CLSTN2: variants seen among roughly 807,000 people sequenced by gnomAD.
CLSTN2 encodes calsyntenin-2.
A neutral mutation model predicts 101.2 loss-of-function variants in CLSTN2; 48 were observed. The ratio of observed to expected loss-of-function variants is 0.47; its 90% CI spans 0.38 to 0.60. The LOEUF is 0.60. Among genes scored for constraint, CLSTN2 ranks in the 20% least tolerant of loss-of-function variants. The pLI, the probability that CLSTN2 is intolerant of heterozygous loss-of-function variation, is 0.00. For missense variants in CLSTN2, 1,160 were observed against 1,238.2 expected (o/e 0.94, Z 0.95); for synonymous variants, 481 against 463.6 (o/e 1.04, Z -0.48).
At chr3:140,304,137 G>A (rs150902193) in intron 2 of CLSTN2, among the ~76,000 whole-genome samples, 18 of 152,200 alleles carry the variant, frequency 1.2e-4, no homozygotes, top group African/African-American at 4.3e-4. Context: ...ATAGCTTCTG[G>A]CTATAACTAC....
intron 2 of CLSTN2, among the ~76,000 whole-genome samples, chr3:140,382,239 G>A (rs2087993509): frequency 1.3e-5 from 2 of 152,020 alleles, no homozygotes; most frequent in South Asian, 4.2e-4. Context: ...TTTGATACTT[G>A]CCTTTTCTAT....
At chr3:140,192,850 G>A (rs565923316) in intron 2 of CLSTN2, among the ~76,000 whole-genome samples, 6 of 151,870 alleles carry the variant, frequency 4.0e-5, no homozygotes, top group Non-Finnish European at 7.4e-5. Flanking sequence ...ATTTTTTGGC[G>A]GGGTAGGGGG....
chr3:140,543,102 A>G (rs1935517642), intron 9 of CLSTN2, among the ~76,000 whole-genome samples: 1 of 152,222 alleles, frequency 6.6e-6, no homozygotes, highest in African/African-American at 2.4e-5. Flanking sequence ...CCCTGAGGAT[A>G]TCACATGGTG....
At chr3:140,018,335 A>T (rs144801851) in intron 1 of CLSTN2, among the ~76,000 whole-genome samples, 135 of 152,214 alleles carry the variant, frequency 8.9e-4, no homozygotes, top group African/African-American at 3.2e-3. Context: ...TTTTGCCATA[A>T]CTCCAGCAGC....
At position 140,251,584 on chromosome 3, in the gene CLSTN2, GTTCCTTTCCT is replaced by G. The variant is rs60379986; in HGVS notation, c.232+75557_232+75566del. 3.1e-3 allele frequency among the ~76,000 whole-genome samples: 369 copies of G among 117,540 alleles called. 3 individuals are homozygous for G. The highest frequency in any genetic ancestry group is 9.2e-3 in the African/African-American group (262 of 28,448). 77.1% of individuals were successfully genotyped at this position (117,540 alleles called of 152,430 possible). On this transcript the variant is annotated intron_variant, in intron 2 of 16. Coordinates refer to ENST00000458420, the MANE Select transcript of CLSTN2 (RefSeq NM_022131.3). Reference sequence around the variant, plus strand: ...TCAATAACGGCAACTCTTAGCTTCCGTTCCTTTCCTTTCCTTTCCTTTCCTTTCCTTTCCT... The same window carrying G: ...TCAATAACGGCAACTCTTAGCTTCCGTTCCTTTCCTTTCCTTTCCTTTCCT...
chr3:140,186,721 T>G (rs996222842), intron 2 of CLSTN2, among the ~76,000 whole-genome samples: 1 of 152,204 alleles, frequency 6.6e-6, no homozygotes, highest in Non-Finnish European at 1.5e-5. Flanking sequence ...CTACAAACTT[T>G]AAAAATTATT....
chr3:139,969,322 G>C (rs1470225958), intron 1 of CLSTN2, among the ~76,000 whole-genome samples: 1 of 152,138 alleles, frequency 6.6e-6, no homozygotes, highest in Non-Finnish European at 1.5e-5. Context: ...TGCCTACCCT[G>C]GGTGGGTACT....
intron 5 of CLSTN2, among the ~76,000 whole-genome samples, chr3:140,437,270 G>A (rs2088698478): frequency 6.6e-6 from 1 of 151,960 alleles, no homozygotes. Flanking sequence ...GGATGGTCTT[G>A]ATCTCCTGAC....
At chr3:140,016,758 T>C (rs1050888766) in intron 1 of CLSTN2, among the ~76,000 whole-genome samples, 27 of 124,582 alleles carry the variant, frequency 2.2e-4, no homozygotes, top group Non-Finnish European at 4.1e-4. Context: ...GAGATCATAC[T>C]ACTGCACTCC....
intron 9 of CLSTN2, among the ~76,000 whole-genome samples, chr3:140,540,031 G>A (rs1935442535): frequency 6.6e-6 from 1 of 152,128 alleles, no homozygotes; most frequent in South Asian, 2.1e-4. Context: ...AGTCAGTAGA[G>A]AATTCTAGAA....
intron 2 of CLSTN2, among the ~76,000 whole-genome samples, chr3:140,220,669 A>G (rs1203214507): frequency 6.6e-6 from 1 of 152,248 alleles, no homozygotes; most frequent in Non-Finnish European, 1.5e-5. Flanking sequence ...ATGTGAGTGG[A>G]TTGGCACCTG....
At chr3:140,190,595 C>T (rs533776979) in intron 2 of CLSTN2, among the ~76,000 whole-genome samples, 2 of 152,070 alleles carry the variant, frequency 1.3e-5, no homozygotes, top group Non-Finnish European at 2.9e-5. Flanking sequence ...TCTTTTCTTT[C>T]ATTAGTGTTG....
chr3:140,391,579 A>C (rs1005827700), intron 2 of CLSTN2, among the ~76,000 whole-genome samples: 1 of 152,168 alleles, frequency 6.6e-6, no homozygotes. Flanking sequence ...AAGAATATTA[A>C]CATGATATGA....
At chr3:140,031,787 A>G (rs16849718) in intron 1 of CLSTN2, among the ~76,000 whole-genome samples, 10,756 of 152,278 alleles carry the variant, frequency 0.071, 436 homozygotes, top group East Asian at 0.16. Context: ...GATGCTATCC[A>G]AAGTCTTTAA....
At chr3:140,082,979 G>C (rs1417006507) in intron 1 of CLSTN2, among the ~76,000 whole-genome samples, 1 of 152,028 alleles carries the variant, frequency 6.6e-6, no homozygotes, top group African/African-American at 2.4e-5. Context: ...TCAACCAGAG[G>C]GCCTTTACAC....
At chr3:140,512,305 T>A (rs1380591109) in intron 8 of CLSTN2, among the ~76,000 whole-genome samples, 1 of 151,982 alleles carries the variant, frequency 6.6e-6, no homozygotes, top group Non-Finnish European at 1.5e-5. Flanking sequence ...CATGTTGAGT[T>A]AATTTTTGCA....
At position 140,267,542 on chromosome 3, in the gene CLSTN2, T is replaced by C. The variant is rs1247300638; in HGVS notation, c.232+91469T>C. Among the ~76,000 whole-genome samples, 4 of 152,146 alleles carry C rather than the reference T, an allele frequency of 2.6e-5. No individual in the cohort carries two copies. In the East Asian group the frequency reaches 7.7e-4, roughly 29 times the overall value. ...AGAGAGAGATACAGGCAATAGCAAT[T>C]ACTGAAAGGACCTGAAAATAGGTGA... On this transcript the variant is annotated intron_variant, in intron 2 of 16. Coordinates refer to ENST00000458420, the MANE Select transcript of CLSTN2 (RefSeq NM_022131.3).
chr3:140,205,311 G>A (rs2010766766), intron 2 of CLSTN2, among the ~76,000 whole-genome samples: 1 of 152,170 alleles, frequency 6.6e-6, no homozygotes, highest in Non-Finnish European at 1.5e-5. Flanking sequence ...GTGACACAAG[G>A]GAGACATAGA....
chr3:140,273,001 T>G (rs1177412220), intron 2 of CLSTN2, among the ~76,000 whole-genome samples: 1 of 152,158 alleles, frequency 6.6e-6, no homozygotes, highest in Non-Finnish European at 1.5e-5. Flanking sequence ...CAGTGATCAT[T>G]TGATATATTC....
Sources: allele counts gnomAD v4.1 joint callset (sites outside exome capture counted in the v4.1 genomes callset), GRCh38; gene constraint gnomAD v4.1.1; transcripts MANE v1.5; gene names NCBI Gene and HGNC (gene_info 2026-07-23, HGNC 2026-07-21).